PCLO: variants seen among roughly 807,000 people sequenced by gnomAD.
PCLO encodes the protein piccolo presynaptic cytomatrix protein, also known as protein piccolo.
Under a neutral mutation model 427.5 loss-of-function variants are expected in PCLO, and 82 were observed. That is an observed-to-expected ratio of 0.19 (90% CI 0.16 to 0.23). The LOEUF is 0.23. PCLO is among the 10% of genes least tolerant of loss of function. The probability of loss-of-function intolerance (pLI) is 1.00; values close to 1 mark genes in which losing one functional copy is unlikely to be tolerated. For synonymous variants in PCLO, 2,357 were observed against 2,155.4 expected (o/e 1.09, Z -2.59); for missense variants, 6,239 against 6,115.9 (o/e 1.02, Z -0.67).
intron 2 of PCLO, 101 bp from the exon 3 acceptor site, chr7:83,135,757 A>G: frequency 1.5e-6 from 1 of 651,780 alleles, no homozygotes; most frequent in Admixed American, 3.1e-5. Flanking sequence ...GTCTCTCATC[A>G]TTCAAAGCAG....
chr7:83,153,811 C>T (rs1792198305), intron 2 of PCLO, among the ~76,000 whole-genome samples: 1 of 152,020 alleles, frequency 6.6e-6, no homozygotes, highest in Non-Finnish European at 1.5e-5. Flanking sequence ...TTGCCCATTT[C>T]TTTATACCAT....
intron 3 of PCLO, among the ~76,000 whole-genome samples, chr7:83,039,371 A>C (rs538668891): frequency 6.6e-6 from 1 of 152,110 alleles, no homozygotes; most frequent in African/African-American, 2.4e-5. Flanking sequence ...TTTTAGACCC[A>C]TTTTGAGTTA....
At chr7:82,884,874 T>TA (rs1793593994) in intron 9 of PCLO, among the ~76,000 whole-genome samples, 1 of 152,192 alleles carries the variant, frequency 6.6e-6, no homozygotes, top group Admixed American at 6.6e-5. Context: ...GGTGTAAACT[T>TA]ACATTAGTGT....
chr7:83,138,158 T>G (rs1002884946), intron 2 of PCLO, among the ~76,000 whole-genome samples: 1 of 152,208 alleles, frequency 6.6e-6, no homozygotes, highest in African/African-American at 2.4e-5. Context: ...TCACTGACTT[T>G]TTTCTATAAA....
Position 82,785,048 on chromosome 7 carries a change from G to A in PCLO, c.15007+16470C>T, listed in dbSNP as rs571077192. ...CTTACCAAATAATTTAAGTTTCTTT[G>A]GTATTATTTTATATTTCATTTTTTC... On this transcript the variant is annotated intron_variant, in intron 22 of 24. Transcript: ENST00000333891. Among the ~76,000 whole-genome samples, 4 of 152,016 alleles carry A rather than the reference G, an allele frequency of 2.6e-5. No homozygotes were observed. In the East Asian group the frequency reaches 5.8e-4, roughly 22 times the overall value.
chr7:83,158,547 C>T (rs908334502), intron 1 of PCLO, among the ~76,000 whole-genome samples: 3 of 151,706 alleles, frequency 2.0e-5, no homozygotes, highest in African/African-American at 7.3e-5. Context: ...CTTAATTATA[C>T]TAAATTCTTC....
intron 10 of PCLO, among the ~76,000 whole-genome samples, chr7:82,859,250 G>A (rs1246301402): frequency 6.6e-6 from 1 of 152,214 alleles, no homozygotes; most frequent in Admixed American, 6.5e-5. Context: ...AGGGCTGTGA[G>A]TGAACATAGG....
intron 15 of PCLO, among the ~76,000 whole-genome samples, chr7:82,836,596 TA>T (rs1250463798): frequency 6.6e-6 from 1 of 152,184 alleles, no homozygotes; most frequent in Non-Finnish European, 1.5e-5. Context: ...TCCAAGTTTT[TA>T]AAATAAAATT....
chr7:82,993,611 A>T (rs1583881924), intron 3 of PCLO, among the ~76,000 whole-genome samples: 1 of 142,932 alleles, frequency 7.0e-6, no homozygotes, highest in African/African-American at 3.0e-5. Context: ...AGGCATGTAT[A>T]TTTTTTTTAG....
intron 3 of PCLO, among the ~76,000 whole-genome samples, chr7:82,982,248 ATATT>A (rs1405498894): frequency 6.6e-6 from 1 of 152,130 alleles, no homozygotes; most frequent in African/African-American, 2.4e-5. Context: ...TTGTCTCACT[ATATT>A]TATAATAAAA....
chr7:82,794,151 C>T (rs370542322), intron 22 of PCLO, among the ~76,000 whole-genome samples: 31 of 151,956 alleles, frequency 2.0e-4, no homozygotes, highest in African/African-American at 7.0e-4. Context: ...TCTGGAGAAA[C>T]CTTTAGCATC....
chr7:82,972,461 C>T (rs1281288170), intron 3 of PCLO, among the ~76,000 whole-genome samples: 2 of 152,008 alleles, frequency 1.3e-5, no homozygotes, highest in East Asian at 1.9e-4. Flanking sequence ...AATAGTAAGA[C>T]TTGCAGCAGG....
intron 2 of PCLO, among the ~76,000 whole-genome samples, chr7:83,136,325 G>T (rs1791728760): frequency 6.6e-6 from 1 of 151,766 alleles, no homozygotes; most frequent in African/African-American, 2.4e-5. Context: ...CACAAAATTT[G>T]TTTTTTCTTA....
At chr7:82,872,854 T>G (rs1793270500) in intron 10 of PCLO, among the ~76,000 whole-genome samples, 1 of 152,248 alleles carries the variant, frequency 6.6e-6, no homozygotes, top group East Asian at 1.9e-4. Flanking sequence ...CTCCAAAACT[T>G]CAGGTGACTT....
rs1316534953 is a variant in PCLO, at chr7:83,155,776, C to G, written c.865G>C (p.Val289Leu). 6.2e-7 allele frequency: 1 copy of G among 1,613,918 alleles called. No homozygotes were observed. Among genetic ancestry groups the G allele is most frequent in the Non-Finnish European group, 8.5e-7 (1 of 1,179,856 alleles). The change falls in exon 2 of 25, where the codon GTA becomes CTA. Residue 289 changes from valine (V) to leucine (L), a missense_variant. Coordinates refer to ENST00000333891, the MANE Select transcript of PCLO (RefSeq NM_033026.6). The stretch of plus-strand genomic sequence containing the variant: ...GAGGGTTTAACTGATTCTCCCCTTA[C>G]TATGTCTGCCTGTTTAGTCTGAGGC... ...SRPQTKQADI[V>L]RGESVKPSLP...
At chr7:82,982,146 A>G (rs551812929) in intron 3 of PCLO, among the ~76,000 whole-genome samples, 1 of 152,214 alleles carries the variant, frequency 6.6e-6, no homozygotes, top group East Asian at 1.9e-4. Flanking sequence ...TATTTTCACC[A>G]GATATTGTAT....
chr7:82,857,466 G>A lies in PCLO; in HGVS notation c.13655-10219C>T, dbSNP rs928914438. On this transcript the variant is annotated intron_variant, in intron 10 of 24. Coordinates refer to ENST00000333891, the MANE Select transcript of PCLO (RefSeq NM_033026.6). ...CTTAAATGTATCTTACTACTCAGATGATAGATTTTAACATAAAATATCACT... is the reference window on the plus strand; with the variant it reads ...CTTAAATGTATCTTACTACTCAGATAATAGATTTTAACATAAAATATCACT... 4.6e-5 allele frequency among the ~76,000 whole-genome samples: 7 copies of A among 152,060 alleles called. No individual in the cohort carries two copies. The East Asian group carries it at 1.3e-3, about 29-fold the overall frequency.
At chr7:82,882,464 GT>G (rs1793531753) in intron 9 of PCLO, among the ~76,000 whole-genome samples, 1 of 152,062 alleles carries the variant, frequency 6.6e-6, no homozygotes, top group Admixed American at 6.6e-5. Flanking sequence ...AAATGGTCTT[GT>G]TCTTGTGTTC....
At chr7:83,020,041 T>A (rs1486026251) in intron 3 of PCLO, among the ~76,000 whole-genome samples, 1 of 152,134 alleles carries the variant, frequency 6.6e-6, no homozygotes, top group Non-Finnish European at 1.5e-5. Context: ...AAGTCTTCTT[T>A]GTAGTTAGCT....
Sources: gnomAD v4.1 joint callset for allele counts (sites outside exome capture counted in the v4.1 genomes callset) on GRCh38, gnomAD v4.1.1 for gene constraint, MANE v1.5 for transcripts, NCBI Gene and HGNC (gene_info 2026-07-23, HGNC 2026-07-21) for gene names.